TNKS: variants seen among roughly 807,000 people sequenced by gnomAD.
TNKS encodes poly [ADP-ribose] polymerase tankyrase-1.
A neutral mutation model predicts 135.8 loss-of-function variants in TNKS; 72 were observed. The observed-to-expected ratio is 0.53, with a 90% CI of 0.44 to 0.64. The LOEUF (loss-of-function observed/expected upper bound fraction) is 0.64. TNKS is among the 30% of genes least tolerant of loss of function. The pLI is 0.00. For missense variants in TNKS, 1,769 were observed against 1,674.0 expected, an observed-to-expected ratio of 1.06 and a Z score of -0.99; for synonymous variants, 849 against 649.3, an observed-to-expected ratio of 1.31 and a Z score of -4.68.
intron 5 of TNKS, among the ~76,000 whole-genome samples, chr8:9,686,367 C>T (rs939242368): frequency 1.3e-5 from 2 of 152,098 alleles, no homozygotes; most frequent in African/African-American, 2.4e-5. Flanking sequence ...TCTGAGTTCC[C>T]GATCCATCTT....
intron 26 of TNKS, chr8:9,772,313 A>G: frequency 6.7e-6 from 3 of 449,572 alleles, no homozygotes; most frequent in South Asian, 4.8e-5. Flanking sequence ...CCTTGACCAG[A>G]TAATCAAAAT....
chr8:9,623,876 C>T (rs188857468), intron 3 of TNKS, among the ~76,000 whole-genome samples: 1 of 152,146 alleles, frequency 6.6e-6, no homozygotes, highest in East Asian at 1.9e-4. Context: ...GTGGTGGGCG[C>T]CTGTAATCCC....
chr8:9,672,711 C>CAAAAAA (rs6150458), intron 3 of TNKS, among the ~76,000 whole-genome samples: 13 of 85,206 alleles, frequency 1.5e-4, no homozygotes, highest in Non-Finnish European at 2.2e-4. Context: ...CACACACACA[C>CAAAAAA]AAAAAAAAAA....
At chr8:9,600,399 G>A (rs1046526803) in intron 2 of TNKS, among the ~76,000 whole-genome samples, 1 of 151,972 alleles carries the variant, frequency 6.6e-6, no homozygotes, top group African/African-American at 2.4e-5. Flanking sequence ...CTGCAGCCTC[G>A]ACCTCCTTGA....
At chr8:9,566,065 C>G (rs1017935420) in intron 1 of TNKS, among the ~76,000 whole-genome samples, 1 of 151,982 alleles carries the variant, frequency 6.6e-6, no homozygotes, top group African/African-American at 2.4e-5. Context: ...ACCGTAGAAA[C>G]CATTTTGACA....
intron 3 of TNKS, among the ~76,000 whole-genome samples, chr8:9,635,017 A>T (rs950533724): frequency 1.3e-5 from 2 of 151,238 alleles, no homozygotes; most frequent in Non-Finnish European, 3.0e-5. Context: ...TACAAAAAAA[A>T]ATATTAGCCG....
chr8:9,728,208 G>C (rs1171775752), intron 13 of TNKS, among the ~76,000 whole-genome samples: 1 of 152,136 alleles, frequency 6.6e-6, no homozygotes, highest in East Asian at 1.9e-4. Context: ...AGTAGCAAAA[G>C]AAAACAAAGC....
At chr8:9,582,531 A>C (rs1798205020) in intron 2 of TNKS, among the ~76,000 whole-genome samples, 2 of 152,348 alleles carry the variant, frequency 1.3e-5, no homozygotes, top group South Asian at 4.1e-4. Context: ...CCACCAGCTT[A>C]CAGGAGACAT....
chr8:9,759,642 T>TG (rs1807036172), intron 20 of TNKS, among the ~76,000 whole-genome samples: 1 of 152,192 alleles, frequency 6.6e-6, no homozygotes, highest in Non-Finnish European at 1.5e-5. Context: ...GCCTGGTGTC[T>TG]GCTTCCTCCA....
At chr8:9,588,678 T>C (rs1798481303) in intron 2 of TNKS, among the ~76,000 whole-genome samples, 1 of 152,234 alleles carries the variant, frequency 6.6e-6, no homozygotes, top group Non-Finnish European at 1.5e-5. Flanking sequence ...CCAATATTTC[T>C]TTCTTTTCTA....
intron 1 of TNKS, among the ~76,000 whole-genome samples, chr8:9,572,101 TAA>T (rs1554527328): frequency 2.6e-5 from 4 of 152,192 alleles, no homozygotes; most frequent in Non-Finnish European, 5.9e-5. Context: ...TATATAGACA[TAA>T]GCTCACACAC....
At chr8:9,661,680 A>G (rs1392421662) in intron 3 of TNKS, among the ~76,000 whole-genome samples, 2 of 152,240 alleles carry the variant, frequency 1.3e-5, no homozygotes, top group Middle Eastern at 3.2e-3. Flanking sequence ...ATGGGCAAGG[A>G]CTTCATGTCT....
intron 21 of TNKS, among the ~76,000 whole-genome samples, chr8:9,762,389 A>C (rs1243572118): frequency 6.6e-6 from 1 of 152,230 alleles, no homozygotes; most frequent in Non-Finnish European, 1.5e-5. Flanking sequence ...AAACTAACAA[A>C]GATAATGTGT....
chr8:9,774,417 G>C (rs1430505667), intron 26 of TNKS, among the ~76,000 whole-genome samples: 1 of 152,128 alleles, frequency 6.6e-6, no homozygotes, highest in African/African-American at 2.4e-5. Context: ...TAGTGTTAGG[G>C]ATTTGGATTA....
chr8:9,682,999 C>T (rs1802846877), intron 5 of TNKS, among the ~76,000 whole-genome samples: 1 of 151,514 alleles, frequency 6.6e-6, no homozygotes, highest in Non-Finnish European at 1.5e-5. Context: ...GGGTTTTTTT[C>T]AAATTAAATT....
At chr8:9,691,080 A>T (rs1803244268) in intron 5 of TNKS, among the ~76,000 whole-genome samples, 1 of 152,158 alleles carries the variant, frequency 6.6e-6, no homozygotes, top group South Asian at 2.1e-4. Flanking sequence ...TTAAGAAGGG[A>T]TATTGACCAA....
intron 1 of TNKS, chr8:9,575,292 A>G (rs978451322): frequency 2.0e-4 from 135 of 667,590 alleles, no homozygotes; most frequent in Non-Finnish European, 2.3e-4. Context: ...TCACCATGTT[A>G]GCTAGGATGG....
chr8:9,603,128 C>T (rs1038553804), intron 2 of TNKS, among the ~76,000 whole-genome samples: 1 of 152,108 alleles, frequency 6.6e-6, no homozygotes, highest in Non-Finnish European at 1.5e-5. Context: ...TCTTGGCTCA[C>T]TGCAACCTCC....
At chr8:9,690,043 A>G (rs1272616102) in intron 5 of TNKS, among the ~76,000 whole-genome samples, 1 of 152,228 alleles carries the variant, frequency 6.6e-6, no homozygotes, top group Non-Finnish European at 1.5e-5. Flanking sequence ...GAAGTGTGAA[A>G]CATCAAGTTA....
Sources: gnomAD v4.1 joint callset for allele counts (sites outside exome capture counted in the v4.1 genomes callset) on GRCh38, gnomAD v4.1.1 for gene constraint, MANE v1.5 for transcripts, NCBI Gene and HGNC (gene_info 2026-07-23, HGNC 2026-07-21) for gene names.